MAML2: variants seen among roughly 807,000 people sequenced by gnomAD.
The protein encoded by MAML2 is mastermind-like protein 2.
Under a neutral mutation model 96.1 loss-of-function variants are expected in MAML2, and 22 were observed. That is an observed-to-expected ratio of 0.23 (90% CI 0.16 to 0.33). The LOEUF is 0.33. Ranked by LOEUF, MAML2 falls within the 10% of genes least tolerant of loss-of-function variation. The probability of loss-of-function intolerance (pLI) is 1.00; values close to 1 mark genes in which losing one functional copy is unlikely to be tolerated. For missense variants in MAML2, 1,367 were observed against 1,392.4 expected (o/e 0.98, Z 0.29); for synonymous variants, 561 against 521.3 (o/e 1.08, Z -1.04).
chr11:96,214,524 A>C (rs578008358), intron 1 of MAML2, among the ~76,000 whole-genome samples: 1 of 152,322 alleles, frequency 6.6e-6, no homozygotes, highest in East Asian at 1.9e-4. Flanking sequence ...GTGATCATGT[A>C]CAACAAAATA....
At chr11:96,123,434 C>T (rs1308567230) in intron 1 of MAML2, among the ~76,000 whole-genome samples, 1 of 152,068 alleles carries the variant, frequency 6.6e-6, no homozygotes, top group Non-Finnish European at 1.5e-5. Context: ...CCCAGTAATG[C>T]TTGTTGAATA....
At chr11:96,233,596 C>G (rs1383460397) in intron 1 of MAML2, among the ~76,000 whole-genome samples, 1 of 152,006 alleles carries the variant, frequency 6.6e-6, no homozygotes, top group East Asian at 1.9e-4. Flanking sequence ...TTTGTAGAGA[C>G]AGGGGTCTTG....
rs369787830 is a variant in MAML2, at chr11:96,026,359, C to A, written c.2140-34636G>T. 6.6e-5 allele frequency among the ~76,000 whole-genome samples: 10 copies of A among 152,334 alleles called. No individual in the cohort carries two copies. In the East Asian group the frequency reaches 1.5e-3, roughly 23 times the overall value. On this transcript the variant is annotated intron_variant, in intron 2 of 4. Coordinates refer to ENST00000524717, the MANE Select transcript of MAML2 (RefSeq NM_032427.4). Reference sequence around the variant, plus strand: ...CCCTAAAATATCAATATCCTCTGTACATTGAGATCATAGGGACCACCCAAG... The same window carrying A: ...CCCTAAAATATCAATATCCTCTGTAAATTGAGATCATAGGGACCACCCAAG...
Position 96,049,489 on chromosome 11 carries a change from T to G in MAML2, c.2139+42403A>C, listed in dbSNP as rs191917908. Among the ~76,000 whole-genome samples the G allele has an allele frequency of 8.9e-4, 135 of 152,334 alleles. 1 individual carries two copies. Among genetic ancestry groups the G allele is most frequent in the African/African-American group, 3.2e-3 (132 of 41,590 alleles). ...AGATTGGCTTAATAGAAATAATGCATAGTTTATAAAGCATCTCCATGAAGA... is the reference window on the plus strand; with the variant it reads ...AGATTGGCTTAATAGAAATAATGCAGAGTTTATAAAGCATCTCCATGAAGA... On this transcript the variant is annotated intron_variant, in intron 2 of 4. Coordinates refer to ENST00000524717, the MANE Select transcript of MAML2 (RefSeq NM_032427.4).
intron 2 of MAML2, among the ~76,000 whole-genome samples, chr11:96,067,218 T>G (rs1859259362): frequency 6.6e-6 from 1 of 152,218 alleles, no homozygotes; most frequent in Admixed American, 6.5e-5. Flanking sequence ...TTTCTTCTGC[T>G]GGTAGCTACC....
chr11:96,087,668 T>C (rs958350965), intron 2 of MAML2, among the ~76,000 whole-genome samples: 3 of 152,222 alleles, frequency 2.0e-5, no homozygotes, highest in African/African-American at 7.2e-5. Context: ...CTGACAAATT[T>C]TGTTTCTCAG....
intron 1 of MAML2, among the ~76,000 whole-genome samples, chr11:96,263,134 C>G (rs1372691075): frequency 6.6e-6 from 1 of 152,164 alleles, no homozygotes; most frequent in South Asian, 2.1e-4. Context: ...ATTTGCTCAC[C>G]ATAGCATTTG....
At chr11:96,123,220 C>T (rs149667488) in intron 1 of MAML2, among the ~76,000 whole-genome samples, 5 of 152,242 alleles carry the variant, frequency 3.3e-5, no homozygotes, top group East Asian at 3.9e-4. Context: ...TAAGCAGCCC[C>T]GTAAAGGCAG....
chr11:96,028,008 G>A (rs1288083619), intron 2 of MAML2, among the ~76,000 whole-genome samples: 1 of 152,106 alleles, frequency 6.6e-6, no homozygotes, highest in Non-Finnish European at 1.5e-5. Flanking sequence ...CTGGAACCAT[G>A]GGCATGAACC....
rs539287682 is a variant in MAML2 at position 96,241,746 on chromosome 11, C to T, written c.513+99637G>A. On this transcript the variant is annotated intron_variant, in intron 1 of 4. Transcript: ENST00000524717. ...AGTCCTCCACTTCCTGCTGGGCTCTCATAAAACGATGCAAACCAATGGGCC... is the reference window on the plus strand; with the variant it reads ...AGTCCTCCACTTCCTGCTGGGCTCTTATAAAACGATGCAAACCAATGGGCC... 5.3e-4 allele frequency among the ~76,000 whole-genome samples: 81 copies of T among 152,278 alleles called. 1 individual carries two copies. In the South Asian group the frequency reaches 0.016, roughly 29 times the overall value.
In MAML2 at chr11:96,269,658, A is replaced by C. The variant is rs562580875; in HGVS notation, c.513+71725T>G. Among the ~76,000 whole-genome samples the C allele has an allele frequency of 1.4e-5, 2 of 143,742 alleles. 1 individual carries two copies. The highest frequency in any genetic ancestry group is 4.1e-4 in the East Asian group (2 of 4,916). The allele number at this position is 143,742 out of a possible 152,430, so 94.3% of individuals were successfully genotyped here. ...CCTGAGTAGCTGGGATTACAGGTCC[A>C]TGCCACTATACTCAGCTAAGTTTTG... On this transcript the variant is annotated intron_variant, in intron 1 of 4. Coordinates refer to ENST00000524717, the MANE Select transcript of MAML2 (RefSeq NM_032427.4).
intron 1 of MAML2, among the ~76,000 whole-genome samples, chr11:96,174,965 G>A (rs538791158): frequency 6.6e-5 from 10 of 152,264 alleles, no homozygotes; most frequent in East Asian, 5.8e-4. Flanking sequence ...TTTTATAATC[G>A]CCATTCAGCA....
rs1859717053 is a variant in MAML2 at position 96,092,054 on chromosome 11, CTGCTGTTGT to C, written c.1968_1976del (p.Gln663_Gln665del). ...AAGATGGTTGTTGCTGCTGCTGCTGCTGCTGTTGTTGCTGTTGTTGTTGCTGCTGCTGCT... is the reference window on the plus strand; with the variant it reads ...AAGATGGTTGTTGCTGCTGCTGCTGCTGCTGTTGTTGTTGCTGCTGCTGCT... On this transcript the variant is annotated inframe_deletion, in exon 2 of 5. Transcript: ENST00000524717. The surrounding 1 kb of genome is among the most constrained non-coding windows in gnomAD (Gnocchi z 4.1). The C allele has an allele frequency of 6.4e-7, 1 of 1,552,008 alleles. No individual in the cohort carries two copies. Among genetic ancestry groups the C allele is most frequent in the African/African-American group, 1.4e-5 (1 of 72,578 alleles).
intron 1 of MAML2, among the ~76,000 whole-genome samples, chr11:96,228,973 A>AAAC (rs1555026989): frequency 1.5e-5 from 1 of 66,192 alleles, no homozygotes; most frequent in Non-Finnish European, 2.6e-5. Flanking sequence ...CTAGTTGAAC[A>AAAC]AAAAAAAAAT....
chr11:96,041,101 A>C (rs1440723912), intron 2 of MAML2, among the ~76,000 whole-genome samples: 5 of 152,108 alleles, frequency 3.3e-5, no homozygotes, highest in South Asian at 4.1e-4. Context: ...GTTGCTGGCT[A>C]TCCTAAATAT....
chr11:96,341,763 C>T lies in MAML2; in HGVS notation c.133G>A (p.Ala45Thr), dbSNP rs1436107403. 3.1e-6 allele frequency: 5 copies of T among 1,612,344 alleles called. No homozygotes were observed. The highest frequency in any genetic ancestry group is 3.3e-5 in the Admixed American group (2 of 59,910). The change falls in exon 1 of 5, where the codon GCT becomes ACT. Residue 45 changes from alanine (A) to threonine (T), a missense_variant. Physicochemically the swap from Ala to Thr is moderately conservative, Grantham distance 58. Transcript: ENST00000524717. ...AIVERLRARI[A>T]VCRQHHLSCE... ...CTCAGGTGGTGTTGGCGGCAGACAG[C>T]GATCCGAGCCCGGAGGCGCTCCACG...
chr11:96,238,325 AGGTG>A (rs1205399771), intron 1 of MAML2, among the ~76,000 whole-genome samples: 3 of 152,238 alleles, frequency 2.0e-5, no homozygotes, highest in Admixed American at 2.0e-4. Flanking sequence ...AACTGAGCCA[AGGTG>A]TATCTGTGTT....
chr11:96,213,340 G>T (rs1349678140), intron 1 of MAML2, among the ~76,000 whole-genome samples: 3 of 152,104 alleles, frequency 2.0e-5, no homozygotes, highest in Non-Finnish European at 4.4e-5. Flanking sequence ...ACAACTATAC[G>T]CCCAGTAATG....
rs75119461 is a variant in MAML2 at position 96,220,302 on chromosome 11, C to A, written c.513+121081G>T. Among the ~76,000 whole-genome samples the A allele has an allele frequency of 8.7e-3, 1,330 of 152,200 alleles. 10 individuals carry two copies. The highest frequency in any genetic ancestry group is 0.021 in the East Asian group (110 of 5,174). On this transcript the variant is annotated intron_variant, in intron 1 of 4. Transcript: ENST00000524717. ...CTTTCTCTGTGCTCCTTTAAACCTG[C>A]AGATTTAAGCCACTGCCTTGTGCTC...
Sources: gnomAD v4.1 joint callset for allele counts (sites outside exome capture counted in the v4.1 genomes callset) on GRCh38, gnomAD v4.1.1 for gene constraint, Gnocchi (gnomAD v3.1) non-coding constraint, MANE v1.5 for transcripts, NCBI Gene and HGNC (gene_info 2026-07-23, HGNC 2026-07-21) for gene names.